COL11A1: variants seen among roughly 807,000 people sequenced by gnomAD.
COL11A1 encodes collagen type XI alpha 1 chain, also known as collagen alpha-1(XI) chain.
A neutral mutation model predicts 265.2 loss-of-function variants in COL11A1; 74 were observed. The observed-to-expected ratio is 0.28, with a 90% CI of 0.23 to 0.34. The LOEUF is 0.34. Ranked by LOEUF, COL11A1 falls within the 10% of genes least tolerant of loss-of-function variation. COL11A1 has a pLI of 1.00. For missense variants in COL11A1, 2,165 were observed against 2,263.6 expected, an observed-to-expected ratio of 0.96 and a Z score of 0.88; for synonymous variants, 816 against 727.6, an observed-to-expected ratio of 1.12 and a Z score of -1.96.
In COL11A1 at chr1:102,978,740, C is replaced by T. The variant is rs758953085; in HGVS notation, c.2722G>A (p.Gly908Ser). ...GKPGPKGTSG[G>S]DGPPGPPGER... ...CCTGGAGGGCCAGGAGGGCCATCGC[C>T]ACCTGAAGTGCCCTGGCACCAAGAA... is the stretch of plus-strand genomic sequence containing the variant. Residue 908 changes from glycine (G) to serine (S), a missense_variant, in exon 35 of 67, where the codon GGC (glycine) becomes AGC (serine). Gly to Ser is a moderately conservative substitution (Grantham distance 56). Transcript: ENST00000370096. The T allele has an allele frequency of 4.3e-6, 7 of 1,614,128 alleles. No homozygotes were observed. The Admixed American group carries it at 1.0e-4, about 23-fold the overall frequency.
At chr1:103,039,169 A>G (rs1229186927) in intron 4 of COL11A1, among the ~76,000 whole-genome samples, 5 of 152,232 alleles carry the variant, frequency 3.3e-5, no homozygotes, top group African/African-American at 9.6e-5. Flanking sequence ...TCTCTCCTAT[A>G]CCTGCAGACT....
At chr1:103,031,477 C>G (rs1667995144) in intron 4 of COL11A1, among the ~76,000 whole-genome samples, 1 of 152,046 alleles carries the variant, frequency 6.6e-6, no homozygotes, top group Admixed American at 6.6e-5. Flanking sequence ...CTCAGGAAAT[C>G]TATACTACAT....
intron 4 of COL11A1, among the ~76,000 whole-genome samples, chr1:103,056,764 A>G (rs899164804): frequency 6.6e-6 from 1 of 152,104 alleles, no homozygotes; most frequent in African/African-American, 2.4e-5. Context: ...TATTGCCAAG[A>G]TTTTTTTCAG....
In COL11A1 at chr1:102,886,500, CAT is replaced by C. The variant is rs554200136; in HGVS notation, c.4858+305_4858+306del. Among the ~76,000 whole-genome samples the C allele has an allele frequency of 5.2e-3, 787 of 152,262 alleles. 9 individuals are homozygous for C. The highest frequency in any genetic ancestry group is 0.018 in the African/African-American group (748 of 41,552). On this transcript the variant is annotated intron_variant, in intron 63 of 66. Coordinates refer to ENST00000370096, the MANE Select transcript of COL11A1 (RefSeq NM_001854.4). Reference sequence around the variant, plus strand: ...GTTAGTAATCATATTACAATATACACATGTGTGTATACACAGTATCCATTCTG... The same window carrying C: ...GTTAGTAATCATATTACAATATACACGTGTGTATACACAGTATCCATTCTG...
chr1:102,997,788 G>T (rs1557922673), intron 25 of COL11A1, among the ~76,000 whole-genome samples: 2 of 151,854 alleles, frequency 1.3e-5, no homozygotes, highest in East Asian at 3.8e-4. Context: ...TATTTAAAGG[G>T]AAATAATAAA....
intron 65 of COL11A1, among the ~76,000 whole-genome samples, chr1:102,880,923 G>A (rs1315631775): frequency 6.6e-6 from 1 of 151,726 alleles, no homozygotes; most frequent in Non-Finnish European, 1.5e-5. Context: ...AATGTAATAT[G>A]GATATTTAAT....
At chr1:102,976,997 C>T (rs78032773) in intron 35 of COL11A1, among the ~76,000 whole-genome samples, 3,108 of 151,934 alleles carry the variant, frequency 0.02, 102 homozygotes, top group African/African-American at 0.071. Context: ...TTTATGTATA[C>T]ATATATATAT....
chr1:102,934,963 T>C (rs1009950624), intron 45 of COL11A1, 97 bp downstream of exon 45: 85 of 1,156,606 alleles, frequency 7.3e-5, no homozygotes, highest in Middle Eastern at 1.9e-4. Context: ...CAAACAAAAC[T>C]TATTACCCCA....
Position 102,978,575 on chromosome 1 carries a change from G to A in COL11A1, c.2754+133C>T, listed in dbSNP as rs907440863. 59 of 952,450 alleles carry A rather than the reference G, an allele frequency of 6.2e-5. 1 individual carries two copies. The Middle Eastern group carries it at 9.9e-4, about 16-fold the overall frequency. The allele number at this position is 952,450 out of a possible 1,614,324, so 59.0% of individuals were successfully genotyped here. On this transcript the variant is annotated intron_variant, in intron 35 of 66. Coordinates refer to ENST00000370096, the MANE Select transcript of COL11A1 (RefSeq NM_001854.4). Reference sequence around the variant, plus strand: ...AAGAGGAATAAATTAAAAAATAAGCGTTTTTAAATTCAGACTAGATTTTGT... The same window carrying A: ...AAGAGGAATAAATTAAAAAATAAGCATTTTTAAATTCAGACTAGATTTTGT...
intron 4 of COL11A1, among the ~76,000 whole-genome samples, chr1:103,073,351 A>G (rs1671726210): frequency 6.6e-6 from 1 of 151,858 alleles, no homozygotes; most frequent in Non-Finnish European, 1.5e-5. Context: ...TTCACATGCA[A>G]CTTATGTTTA....
At chr1:102,923,235 A>G (rs1656191248) in intron 47 of COL11A1, 101 bp downstream of exon 47, 2 of 975,604 alleles carry the variant, frequency 2.1e-6, no homozygotes, top group Admixed American at 2.0e-5. Flanking sequence ...ATACACCTCA[A>G]TAATATATAC....
At chr1:102,916,355 T>G (rs943503844) in intron 49 of COL11A1, among the ~76,000 whole-genome samples, 1 of 152,108 alleles carries the variant, frequency 6.6e-6, no homozygotes, top group African/African-American at 2.4e-5. Flanking sequence ...GCTATGAAAG[T>G]CTGTTGCTAA....
intron 50 of COL11A1, among the ~76,000 whole-genome samples, 197 bp from the exon 51 acceptor site, chr1:102,915,008 G>T (rs987899510): frequency 3.9e-5 from 6 of 151,998 alleles, no homozygotes; most frequent in Non-Finnish European, 8.8e-5. Context: ...AGGTTCAAGC[G>T]ATTCTCCTGC....
In COL11A1 at chr1:103,025,651, A is replaced by T. The variant is rs79473144; in HGVS notation, c.898-38T>A. The T allele has an allele frequency of 2.4e-3, 3,829 of 1,584,768 alleles. 76 individuals are homozygous for T. In the African/African-American group the frequency reaches 0.042, roughly 17 times the overall value. On this transcript the variant is annotated intron_variant, in intron 6 of 66. Coordinates refer to ENST00000370096, the MANE Select transcript of COL11A1 (RefSeq NM_001854.4). ...TCAGAAGAGAATTAGTAAACATGTA[A>T]GGTGATCCCAAATGTATGGAAATCA...
intron 28 of COL11A1, among the ~76,000 whole-genome samples, chr1:102,995,299 C>T (rs1048153855): frequency 2.0e-5 from 3 of 151,950 alleles, no homozygotes; most frequent in African/African-American, 7.2e-5. Context: ...TAAAAGATGC[C>T]ATATGCATTC....
rs753896639 is a variant in COL11A1 at position 103,002,820 on chromosome 1, G to A, written c.1999-29C>T. The A allele has an allele frequency of 3.1e-6, 5 of 1,604,232 alleles. No homozygotes were observed. In the South Asian group the frequency reaches 5.5e-5, roughly 18 times the overall value. Reference sequence around the variant, plus strand: ...CAATGAAGAAAAAGTATTTATGGTTGTTTATATGTTTTGATGCTAAAACAG... The same window carrying A: ...CAATGAAGAAAAAGTATTTATGGTTATTTATATGTTTTGATGCTAAAACAG... On this transcript the variant is annotated intron_variant, in intron 21 of 66. Coordinates refer to ENST00000370096, the MANE Select transcript of COL11A1 (RefSeq NM_001854.4).
intron 4 of COL11A1, among the ~76,000 whole-genome samples, chr1:103,042,003 A>C (rs1668848957): frequency 1.3e-5 from 2 of 152,184 alleles, no homozygotes; most frequent in Admixed American, 6.6e-5. Flanking sequence ...TATTATAACA[A>C]GTTAATAGGC....
At chr1:102,922,412 TC>T (rs1656086324) in intron 47 of COL11A1, among the ~76,000 whole-genome samples, 1 of 152,200 alleles carries the variant, frequency 6.6e-6, no homozygotes, top group Non-Finnish European at 1.5e-5. Flanking sequence ...GTGGTTTTTT[TC>T]TGAGACGGAG....
At chr1:102,998,564 G>T (rs371675524) in intron 24 of COL11A1, among the ~76,000 whole-genome samples, 2 of 151,900 alleles carry the variant, frequency 1.3e-5, no homozygotes, top group South Asian at 4.1e-4. Context: ...CATGTCAAAG[G>T]TATGCTAGGT....
Sources: allele counts gnomAD v4.1 joint callset (sites outside exome capture counted in the v4.1 genomes callset), GRCh38; gene constraint gnomAD v4.1.1; transcripts MANE v1.5; gene names NCBI Gene and HGNC (gene_info 2026-07-23, HGNC 2026-07-21).